Variants in ACSF2 observed in about 807,000 individuals in gnomAD.
ACSF2 encodes the protein medium-chain acyl-CoA ligase ACSF2, mitochondrial.
ACSF2 carries 52 observed loss-of-function variants against 79.3 expected under a neutral mutation model. That is an observed-to-expected ratio of 0.66 (90% CI 0.53 to 0.83). The LOEUF (loss-of-function observed/expected upper bound fraction) is 0.83, where lower values mean the gene tolerates loss of function less well. ACSF2 is among the 40% of genes least tolerant of loss of function. The probability of loss-of-function intolerance (pLI) is 0.00; values close to 1 mark genes in which losing one functional copy is unlikely to be tolerated. For missense variants in ACSF2, 661 were observed against 803.3 expected, an observed-to-expected ratio of 0.82 and a Z score of 2.14; for synonymous variants, 283 against 312.6, an observed-to-expected ratio of 0.91 and a Z score of 1.00.
At chr17:50,427,646 A>G (rs1915121298) in intron 1 of ACSF2, among the ~76,000 whole-genome samples, 1 of 152,190 alleles carries the variant, frequency 6.6e-6, no homozygotes, top group South Asian at 2.1e-4. Context: ...CCCAAAGTGT[A>G]CATATTTTAT....
intron 10 of ACSF2, chr17:50,468,394 C>G: frequency 2.5e-6 from 4 of 1,614,144 alleles, no homozygotes; most frequent in Non-Finnish European, 3.4e-6. Context: ...AGAGCAACCC[C>G]CGGGGCAGCT....
At chr17:50,456,348 G>T (rs895132023) in intron 1 of ACSF2, among the ~76,000 whole-genome samples, 3 of 152,184 alleles carry the variant, frequency 2.0e-5, no homozygotes, top group Non-Finnish European at 4.4e-5. Flanking sequence ...GAAGAGAGAA[G>T]CTGAGGTAAA....
chr17:50,472,631 G>T (rs751263025), intron 12 of ACSF2, 52 bp downstream of exon 12: 60 of 1,547,664 alleles, frequency 3.9e-5, no homozygotes, highest in Non-Finnish European at 5.1e-5. Context: ...GAGGCTGGAG[G>T]TCTTGAGGCT....
chr17:50,472,519 A>C lies in ACSF2; in HGVS notation c.1415A>C (p.Tyr472Ser). Residue 472 changes from tyrosine (Y) to serine (S), a missense_variant, in exon 12 of 16, where the codon TAC (tyrosine) becomes TCC (serine). By Grantham distance (144) the Tyr-to-Ser change is moderately radical. Coordinates refer to ENST00000300441, the MANE Select transcript of ACSF2 (RefSeq NM_025149.6). ...CIRGYCVMLG[Y>S]WGEPQKTEEA... is the part of the protein sequence containing the mutation. ...CGAGGGTACTGCGTCATGCTGGGCT[A>C]CTGGGGTGAGCCTCAGAAGACAGAG... The C allele has an allele frequency of 6.2e-7, 1 of 1,612,842 alleles. No individual in the cohort carries two copies. Among genetic ancestry groups the C allele is most frequent in the Non-Finnish European group, 8.5e-7 (1 of 1,179,406 alleles).
chr17:50,474,530 T>C lies in ACSF2; in HGVS notation c.1826T>C (p.Met609Thr). The change falls in exon 16 of 16, where the codon ATG becomes ACG. Residue 609 changes from methionine to threonine, a missense_variant. Physicochemically the swap from Met to Thr is moderately conservative, Grantham distance 81 (BLOSUM62 -1). Coordinates refer to ENST00000300441, the MANE Select transcript of ACSF2 (RefSeq NM_025149.6). This position sits in a 1 kb window ranked among gnomAD's most constrained non-coding sequence, Gnocchi z 4.2. ...CAGAAATTCAAACTTCGAGAGCAGA[T>C]GGAACGACATCTAAATCTGTGAATA... Reference protein sequence around the residue: ...KIQKFKLREQMERHLNL With the variant: ...KIQKFKLREQTERHLNL The C allele has an allele frequency of 1.9e-6, 3 of 1,614,214 alleles. No individual in the cohort carries two copies. The highest frequency in any genetic ancestry group is 1.7e-6 in the Non-Finnish European group (2 of 1,180,044).
chr17:50,474,074 C>T lies in ACSF2; in HGVS notation c.1728+70C>T. On this transcript the variant is annotated intron_variant, in intron 14 of 15. Transcript: ENST00000300441. This position sits in a 1 kb window ranked among gnomAD's most constrained non-coding sequence, Gnocchi z 4.2. ...CTCACCCACTCCTCTGCCAACCAGC[C>T]CAGGGTGGGGATTGCTCTGCCCTTG... 3.2e-6 allele frequency: 5 copies of T among 1,566,966 alleles called. No individual in the cohort carries two copies. Among genetic ancestry groups the T allele is most frequent in the Non-Finnish European group, 4.3e-6 (5 of 1,149,904 alleles).
At chr17:50,465,098 G>A (rs1268456342) in intron 10 of ACSF2, 5 of 621,506 alleles carry the variant, frequency 8.0e-6, no homozygotes, top group Non-Finnish European at 1.1e-5. Flanking sequence ...CACAGATGAT[G>A]CTTGAAGAAA....
intron 1 of ACSF2, among the ~76,000 whole-genome samples, chr17:50,458,791 G>A (rs1457253850): frequency 7.9e-5 from 12 of 152,234 alleles, no homozygotes; most frequent in Admixed American, 7.9e-4. Context: ...TGGCCCCAGG[G>A]CCCAGGTCTA....
rs1191893598 is a variant in ACSF2, at chr17:50,472,495, G to A, written c.1391G>A (p.Arg464Gln). The change falls in exon 12 of 16, where the codon CGA becomes CAA. Residue 464 changes from arginine (R) to glutamine (Q), a missense_variant. Transcript: ENST00000300441. ...AACACGCCCGGGGAGCTGTGCATCC[G>A]AGGGTACTGCGTCATGCTGGGCTAC... ...KLNTPGELCI[R>Q]GYCVMLGYWG... 3.1e-6 allele frequency: 5 copies of A among 1,613,218 alleles called. No individual in the cohort carries two copies. The highest frequency in any genetic ancestry group is 1.1e-5 in the South Asian group (1 of 90,934).
intron 10 of ACSF2, chr17:50,465,759 C>T (rs367796724): frequency 2.0e-5 from 32 of 1,613,422 alleles, no homozygotes; most frequent in African/African-American, 6.7e-5. Flanking sequence ...TTGGTAAGGG[C>T]GAGGGTCTCC....
At chr17:50,429,045 G>A (rs565970413) in intron 1 of ACSF2, among the ~76,000 whole-genome samples, 7 of 152,368 alleles carry the variant, frequency 4.6e-5, no homozygotes, top group African/African-American at 1.7e-4. Flanking sequence ...CACACAGCCT[G>A]CTTTCCTGTT....
chr17:50,436,145 T>G (rs1299822223), intron 1 of ACSF2, among the ~76,000 whole-genome samples: 6 of 152,190 alleles, frequency 3.9e-5, no homozygotes, highest in South Asian at 4.1e-4. Flanking sequence ...TTTTTTATTT[T>G]TCGAGACGGA....
In ACSF2 at chr17:50,464,015, G is replaced by A. The variant is rs1236359279; in HGVS notation, c.1138+106G>A. The A allele has an allele frequency of 2.6e-5, 17 of 646,402 alleles. No homozygotes were observed. The Middle Eastern group carries it at 1.3e-3, about 50-fold the overall frequency. 40.0% of individuals were successfully genotyped at this position (646,402 alleles called of 1,614,324 possible). A position where few individuals can be genotyped will look rare whatever the true frequency, so the allele number is the denominator to read the frequency against. On this transcript the variant is annotated intron_variant, in intron 9 of 15. Coordinates refer to ENST00000300441, the MANE Select transcript of ACSF2 (RefSeq NM_025149.6). ...TCCCAGTCTTTTATATAGGGGGCAAGAAGGACGCTGTAAAAATGTGGGTGG... is the reference window on the plus strand; with the variant it reads ...TCCCAGTCTTTTATATAGGGGGCAAAAAGGACGCTGTAAAAATGTGGGTGG...
At chr17:50,468,457 G>C (rs755789401) in intron 10 of ACSF2, 1 of 1,614,256 alleles carries the variant, frequency 6.2e-7, no homozygotes, top group Admixed American at 1.7e-5. Context: ...TCAGGTCGTC[G>C]AAGGCACCTG....
At chr17:50,465,873 GGGGAGCAAGGTGGGAGCAAGGT>G in intron 10 of ACSF2, 1 of 1,613,670 alleles carries the variant, frequency 6.2e-7, no homozygotes, top group Middle Eastern at 1.7e-4. Flanking sequence ...TCTGAGAACT[GGGGAGCAAGGTGGGAGCAAGGT>G]GGGAGCAAGG....
At chr17:50,429,784 C>T (rs1326571209) in intron 1 of ACSF2, among the ~76,000 whole-genome samples, 1 of 151,978 alleles carries the variant, frequency 6.6e-6, no homozygotes, top group African/African-American at 2.4e-5. Flanking sequence ...TCCTAAAGTG[C>T]TGGGATTACA....
chr17:50,435,261 C>G (rs534323805), intron 1 of ACSF2, among the ~76,000 whole-genome samples: 1 of 152,132 alleles, frequency 6.6e-6, no homozygotes, highest in South Asian at 2.1e-4. Context: ...GTGAGTTTTA[C>G]GTATTAAACA....
rs749022046 is a variant in ACSF2, at chr17:50,474,513, C to A, written c.1809C>A (p.Phe603Leu). 1.5e-5 allele frequency: 25 copies of A among 1,614,084 alleles called. No homozygotes were observed. The highest frequency in any genetic ancestry group is 2.0e-5 in the Non-Finnish European group (24 of 1,180,036). Reference sequence around the variant, plus strand: ...TTTCTTTCCTCTAGATCCAGAAATTCAAACTTCGAGAGCAGATGGAACGAC... The same window carrying A: ...TTTCTTTCCTCTAGATCCAGAAATTAAAACTTCGAGAGCAGATGGAACGAC... ...PLTISGKIQK[F>L]KLREQMERHL... is the part of the protein sequence containing the mutation. Residue 603 changes from phenylalanine (F) to leucine (L), a missense_variant, in exon 16 of 16, where the codon TTC (phenylalanine) becomes TTA (leucine). Transcript: ENST00000300441. This position sits in a 1 kb window ranked among gnomAD's most constrained non-coding sequence, Gnocchi z 4.2.
intron 1 of ACSF2, among the ~76,000 whole-genome samples, chr17:50,428,225 C>T (rs1915187352): frequency 6.6e-6 from 1 of 152,242 alleles, no homozygotes; most frequent in Non-Finnish European, 1.5e-5. Context: ...GTGGCTCATG[C>T]CTGTAATCCC....
Sources: allele counts gnomAD v4.1 joint callset (sites outside exome capture counted in the v4.1 genomes callset), GRCh38; gene constraint gnomAD v4.1.1; non-coding constraint Gnocchi (gnomAD v3.1); transcripts MANE v1.5; gene names NCBI Gene and HGNC (gene_info 2026-07-23, HGNC 2026-07-21).